The following CMC2 variants were observed in gnomAD, a reference collection of about 807,000 sequenced individuals.
CMC2 encodes the protein COX assembly mitochondrial protein 2 homolog.
In CMC2, 5 loss-of-function variants were observed where a neutral mutation model predicts 7.5. The observed-to-expected ratio is 0.66, with a 90% CI of 0.35 to 1.40. The LOEUF is 1.40. Among genes scored for constraint, CMC2 ranks in the 40% most tolerant of loss-of-function variants. CMC2 has a pLI of 0.04. For missense variants in CMC2, 115 were observed against 92.3 expected, an observed-to-expected ratio of 1.25 and a Z score of -1.01; for synonymous variants, 37 against 31.4, an observed-to-expected ratio of 1.18 and a Z score of -0.60.
chr16:80,992,107 T>C, intron 2 of CMC2: 1 of 344,290 alleles, frequency 2.9e-6, no homozygotes, highest in Non-Finnish European at 5.8e-6. Context: ...GGACACTAGA[T>C]GTGAGGTATA....
chr16:80,990,652 C>A lies in CMC2; in HGVS notation c.81+6662G>T, dbSNP rs537596113. 8.5e-5 allele frequency among the ~76,000 whole-genome samples: 13 copies of A among 152,272 alleles called. No individual in the cohort carries two copies. The South Asian group carries it at 2.3e-3, about 27-fold the overall frequency. ...TACAAACGCTAGGATACTATAAATA[C>A]TGTTTTGTCCTTTGACTTCTTCACG... On this transcript the variant is annotated intron_variant, in intron 2 of 3. Transcript: ENST00000219400.
intron 2 of CMC2, among the ~76,000 whole-genome samples, chr16:80,992,771 G>C (rs562876074): frequency 2.1e-5 from 3 of 141,326 alleles, no homozygotes; most frequent in African/African-American, 8.2e-5. Context: ...GTGTTGTACT[G>C]CAGCCTCAAA....
intron 3 of CMC2, among the ~76,000 whole-genome samples, chr16:80,977,966 G>C (rs1049337891): frequency 6.6e-6 from 1 of 151,986 alleles, no homozygotes; most frequent in African/African-American, 2.4e-5. Flanking sequence ...CAGCTATTCA[G>C]GAGGCTGAGG....
At chr16:80,995,611 C>A (rs554308568) in intron 2 of CMC2, among the ~76,000 whole-genome samples, 1 of 152,082 alleles carries the variant, frequency 6.6e-6, no homozygotes. Flanking sequence ...GAGCCAAGAT[C>A]GCGCCACTAC....
At chr16:80,991,238 C>T (rs1967968061) in intron 2 of CMC2, among the ~76,000 whole-genome samples, 1 of 152,140 alleles carries the variant, frequency 6.6e-6, no homozygotes, top group African/African-American at 2.4e-5. Flanking sequence ...GATACTCCAC[C>T]ACCTTGGAGG....
At chr16:80,990,187 T>C (rs528043937) in intron 2 of CMC2, among the ~76,000 whole-genome samples, 1 of 152,308 alleles carries the variant, frequency 6.6e-6, no homozygotes, top group South Asian at 2.1e-4. Context: ...CTGTTGTTTT[T>C]TGAGACACAG....
chr16:80,973,478 G>A lies in CMC2; in HGVS notation c.*2615C>T, dbSNP rs1171268013. ...ATCCTCACAATAACTCTATGTGACA[G>A]GTACTGTCACTGGGTTGAACTGGTT... On this transcript the variant is annotated 3_prime_UTR_variant, in exon 4 of 4. Coordinates refer to ENST00000219400, the MANE Select transcript of CMC2 (RefSeq NM_020188.5). The A allele has an allele frequency of 1.3e-5, 2 of 152,132 alleles. No individual in the cohort carries two copies. The highest frequency in any genetic ancestry group is 4.8e-5 in the African/African-American group (2 of 41,434). The allele number at this position is 152,132 out of a possible 1,614,324, so 9.4% of individuals were successfully genotyped here. A position where few individuals can be genotyped will look rare whatever the true frequency, so the allele number is the denominator to read the frequency against.
intron 2 of CMC2, chr16:80,988,566 C>G (rs145275611): frequency 1.4e-6 from 1 of 701,396 alleles, no homozygotes; most frequent in East Asian, 2.7e-5. Flanking sequence ...TTCTTCTGAA[C>G]CGAGTAAGTT....
chr16:80,974,369 T>C lies in CMC2; in HGVS notation c.*1724A>G, dbSNP rs947638650. The C allele has an allele frequency of 1.3e-5, 2 of 152,118 alleles. No individual in the cohort carries two copies. The highest frequency in any genetic ancestry group is 4.8e-5 in the African/African-American group (2 of 41,426). The allele number at this position is 152,118 out of a possible 1,614,324, so 9.4% of individuals were successfully genotyped here. On this transcript the variant is annotated 3_prime_UTR_variant, in exon 4 of 4. Transcript: ENST00000219400. ...CCAAAAAAACTTACTAAAATACAAA[T>C]TGAAATATATCAGCCTTCCAACTAA...
chr16:81,004,020 C>T (rs1221034816), intron 1 of CMC2, among the ~76,000 whole-genome samples: 2 of 152,142 alleles, frequency 1.3e-5, no homozygotes, highest in African/African-American at 2.4e-5. Context: ...GTCAGGAGTT[C>T]GAGACCAGCC....
chr16:80,997,326 T>C lies in CMC2; in HGVS notation c.69A>G (p.Glu23=). The change falls in exon 2 of 4, where the codon GAA becomes GAG. Residue 23 remains glutamate (E), a synonymous_variant. Transcript: ENST00000219400. ...TCTGAACTCTTACATTTTTGTGACATTCCTTAAGCAAGTTAATCAAGACGT... is the reference window on the plus strand; with the variant it reads ...TCTGAACTCTTACATTTTTGTGACACTCCTTAAGCAAGTTAATCAAGACGT... The part of the protein sequence containing the change: ...ECNVLINLLK[E]CHKNHNILKF... 2 of 1,093,412 alleles carry C rather than the reference T, an allele frequency of 1.8e-6. No individual in the cohort carries two copies. Among genetic ancestry groups the C allele is most frequent in the Non-Finnish European group, 2.7e-6 (2 of 744,480 alleles). 67.7% of individuals were successfully genotyped at this position (1,093,412 alleles called of 1,614,324 possible). A position where few individuals can be genotyped will look rare whatever the true frequency, so the allele number is the denominator to read the frequency against.
intron 2 of CMC2, chr16:80,991,898 A>C: frequency 2.2e-6 from 1 of 453,022 alleles, no homozygotes; most frequent in Non-Finnish European, 4.4e-6. Context: ...AAAATGTCAC[A>C]GATAACAGGA....
chr16:80,972,535 G>C lies in CMC2; in HGVS notation c.*3558C>G, dbSNP rs980794754. ...CTTAAACTTCATTTATAAAAGGTGA[G>C]AAACAGCTCAACTTTCTAGCCTCAC... is the stretch of plus-strand genomic sequence containing the variant. On this transcript the variant is annotated 3_prime_UTR_variant, in exon 4 of 4. Coordinates refer to ENST00000219400, the MANE Select transcript of CMC2 (RefSeq NM_020188.5). 9.9e-5 allele frequency: 15 copies of C among 152,142 alleles called. No homozygotes were observed. Among genetic ancestry groups the C allele is most frequent in the African/African-American group, 3.6e-4 (15 of 41,420 alleles). The allele number at this position is 152,142 out of a possible 1,614,324, so 9.4% of individuals were successfully genotyped here.
At chr16:80,979,825 T>C (rs1032773265) in intron 3 of CMC2, among the ~76,000 whole-genome samples, 2 of 152,058 alleles carry the variant, frequency 1.3e-5, no homozygotes, top group African/African-American at 4.8e-5. Flanking sequence ...TTTCACCATG[T>C]TGGCTAGGCT....
At chr16:80,983,643 C>T (rs749695692) in intron 2 of CMC2, 2 of 152,184 alleles carry the variant, frequency 1.3e-5, no homozygotes, top group African/African-American at 2.4e-5. Flanking sequence ...GTGCCAGAGC[C>T]CTTTTCTCAT....
intron 2 of CMC2, among the ~76,000 whole-genome samples, chr16:80,987,152 T>C (rs1336264953): frequency 6.6e-6 from 1 of 152,162 alleles, no homozygotes; most frequent in Non-Finnish European, 1.5e-5. Flanking sequence ...GAAGCCAACC[T>C]GAAAGAAGAA....
chr16:80,981,677 C>T, intron 3 of CMC2, 129 bp downstream of exon 3: 1 of 583,592 alleles, frequency 1.7e-6, no homozygotes, highest in East Asian at 3.0e-5. Context: ...AGAGGAAGTT[C>T]ATACATGTAA....
intron 1 of CMC2, among the ~76,000 whole-genome samples, chr16:80,999,388 C>G (rs35167446): frequency 0.13 from 19,120 of 152,108 alleles, 1,332 homozygotes; most frequent in East Asian, 0.25. Context: ...GGAAGAACTA[C>G]AAAACACTGC....
intron 1 of CMC2, among the ~76,000 whole-genome samples, chr16:80,999,237 A>T (rs1346886238): frequency 2.0e-5 from 3 of 152,228 alleles, no homozygotes; most frequent in Non-Finnish European, 1.5e-5. Context: ...CAAGATCAAC[A>T]TAGAAAAATC....
Sources: allele counts gnomAD v4.1 joint callset (sites outside exome capture counted in the v4.1 genomes callset), GRCh38; gene constraint gnomAD v4.1.1; transcripts MANE v1.5; gene names NCBI Gene and HGNC (gene_info 2026-07-23, HGNC 2026-07-21).